Variants in TBCE observed in about 807,000 individuals in gnomAD.
TBCE encodes the protein tubulin-specific chaperone E.
A neutral mutation model predicts 77.0 loss-of-function variants in TBCE; 53 were observed. The ratio of observed to expected loss-of-function variants is 0.69; its 90% CI spans 0.55 to 0.87. TBCE has a LOEUF of 0.87. Ranked by LOEUF, TBCE falls within the 40% of genes least tolerant of loss-of-function variation. The pLI is 0.00. For synonymous variants in TBCE, 235 were observed against 241.3 expected (o/e 0.97, Z 0.24); for missense variants, 624 against 622.4 (o/e 1.00, Z -0.03).
chr1:235,448,594 G>T lies in TBCE; in HGVS notation c.1492-76G>T. The stretch of plus-strand genomic sequence containing the variant: ...GTAAGCTACTGCCTGGGGACGGGGT[G>T]GGGGAAGAGTATGTGTAGCATGCTT... On this transcript the variant is annotated intron_variant, in intron 16 of 16. Coordinates refer to ENST00000642610, the MANE Select transcript of TBCE (RefSeq NM_003193.5). 2.1e-6 allele frequency: 3 copies of T among 1,401,528 alleles called. No individual in the cohort carries two copies. The South Asian group carries it at 3.5e-5, about 16-fold the overall frequency. 86.8% of individuals were successfully genotyped at this position (1,401,528 alleles called of 1,614,324 possible).
At chr1:235,442,263 C>T (rs528195031) in intron 14 of TBCE, among the ~76,000 whole-genome samples, 79 of 152,216 alleles carry the variant, frequency 5.2e-4, no homozygotes, top group Non-Finnish European at 9.7e-4. Context: ...CTCCGCCTCC[C>T]GGGTTCAAGC....
At chr1:235,386,281 A>G (rs1245924081) in intron 2 of TBCE, among the ~76,000 whole-genome samples, 1 of 151,932 alleles carries the variant, frequency 6.6e-6, no homozygotes, top group Non-Finnish European at 1.5e-5. Flanking sequence ...TGTGTCTTGG[A>G]GTTGCTCTTC....
chr1:235,419,625 ACTG>A (rs773808910), intron 5 of TBCE, 64 bp downstream of exon 5: 1 of 1,602,538 alleles, frequency 6.2e-7, no homozygotes, highest in Non-Finnish European at 8.5e-7. Context: ...TGTGCCAGAG[ACTG>A]CTAATTGCCT....
At chr1:235,411,960 C>G (rs563702807) in intron 3 of TBCE, among the ~76,000 whole-genome samples, 1 of 151,580 alleles carries the variant, frequency 6.6e-6, no homozygotes, top group Non-Finnish European at 1.5e-5. Context: ...CCAGACTGCT[C>G]GTAGGAAAGG....
chr1:235,398,571 C>G (rs568217476), intron 2 of TBCE, among the ~76,000 whole-genome samples: 1 of 148,692 alleles, frequency 6.7e-6, no homozygotes, highest in African/African-American at 2.4e-5. Flanking sequence ...ACATTCTGTT[C>G]CTTTTTTTCT....
intron 5 of TBCE, among the ~76,000 whole-genome samples, chr1:235,422,125 T>C (rs1311084969): frequency 1.3e-5 from 2 of 152,258 alleles, no homozygotes. Flanking sequence ...GGAATTGAAG[T>C]GGATGCAGAA....
intron 3 of TBCE, among the ~76,000 whole-genome samples, chr1:235,409,858 G>A (rs1184406441): frequency 7.1e-6 from 1 of 140,298 alleles, no homozygotes; most frequent in South Asian, 2.2e-4. Context: ...GTGAAACCCC[G>A]TCTCTACTAA....
intron 6 of TBCE, 97 bp from the exon 7 acceptor site, chr1:235,430,608 C>T: frequency 2.5e-6 from 2 of 797,672 alleles, no homozygotes. Context: ...ACAAATCAAA[C>T]CCCTTAGATT....
chr1:235,448,568 G>T (rs1682641706), intron 16 of TBCE, 102 bp from the exon 17 acceptor site: 21 of 1,375,464 alleles, frequency 1.5e-5, no homozygotes, highest in Non-Finnish European at 1.2e-5. Context: ...TGATTTTAAG[G>T]GTAAGCTACT....
Position 235,436,564 on chromosome 1 carries a change from C to G in TBCE, c.919C>G (p.Pro307Ala). 1 of 1,614,008 alleles carries G rather than the reference C, an allele frequency of 6.2e-7. No homozygotes were observed. Among genetic ancestry groups the G allele is most frequent in the African/African-American group, 1.3e-5 (1 of 75,004 alleles). Residue 307 changes from proline (P) to alanine (A), a missense_variant, in exon 11 of 17, where the codon CCA becomes GCA. Physicochemically the swap from Pro to Ala is conservative, Grantham distance 27. Transcript: ENST00000642610. ...TATAGGGTGCAAAACGTCCATGTTC[C>G]CATCCTTGAAGTACCTGGTAGTAAA... is the stretch of plus-strand genomic sequence containing the variant. ...AGIGCKTSMFPSLKYLVVNDN... is the reference protein window; with the variant it reads ...AGIGCKTSMFASLKYLVVNDN...
At chr1:235,433,984 C>A in intron 7 of TBCE, 1 of 590,002 alleles carries the variant, frequency 1.7e-6, no homozygotes, top group Non-Finnish European at 3.0e-6. Flanking sequence ...CTCAAAGTGC[C>A]CACAGTGTGT....
Position 235,436,423 on chromosome 1 carries a change from T to C in TBCE, c.871T>C (p.Ser291Pro). The C allele has an allele frequency of 6.2e-7, 1 of 1,614,144 alleles. No individual in the cohort carries two copies. Among genetic ancestry groups the C allele is most frequent in the Non-Finnish European group, 8.5e-7 (1 of 1,179,986 alleles). ...QLILSDTGIS[S>P]LHFPDAGIGC... is the part of the protein sequence containing the mutation. Reference sequence around the variant, plus strand: ...AATCCTCTCTGACACTGGAATTTCTTCTCTACATTTTCCGGATGCTGGAAT... The same window carrying C: ...AATCCTCTCTGACACTGGAATTTCTCCTCTACATTTTCCGGATGCTGGAAT... The change falls in exon 10 of 17, where the codon TCT becomes CCT. Residue 291 changes from serine (S) to proline (P), a missense_variant. Ser to Pro is a moderately conservative substitution (Grantham distance 74). Transcript: ENST00000642610.
chr1:235,385,105 G>A (rs1393449135), intron 2 of TBCE, among the ~76,000 whole-genome samples: 1 of 152,146 alleles, frequency 6.6e-6, no homozygotes, highest in Non-Finnish European at 1.5e-5. Flanking sequence ...AGGTTGTTCA[G>A]TTTCCATGTA....
chr1:235,421,904 G>A (rs1205020014), intron 5 of TBCE, among the ~76,000 whole-genome samples: 1 of 152,212 alleles, frequency 6.6e-6, no homozygotes, highest in Non-Finnish European at 1.5e-5. Flanking sequence ...CGACAGTGCA[G>A]TGAAGGAAAT....
At chr1:235,442,721 T>C in intron 14 of TBCE, 131 bp from the exon 15 acceptor site, 1 of 801,178 alleles carries the variant, frequency 1.2e-6, no homozygotes, top group South Asian at 1.6e-5. Flanking sequence ...AGAAAGAATT[T>C]TAAACATTGA....
intron 1 of TBCE, among the ~76,000 whole-genome samples, chr1:235,375,126 T>A (rs1033603715): frequency 2.0e-4 from 31 of 151,684 alleles, no homozygotes; most frequent in African/African-American, 7.5e-4. Context: ...TTTGCTGTGT[T>A]AGCCAGGATG....
At position 235,450,839 on chromosome 1, in the gene TBCE, G is replaced by A. The variant is rs1682853708; in HGVS notation, c.*2077G>A. On this transcript the variant is annotated 3_prime_UTR_variant, in exon 17 of 17. Transcript: ENST00000642610. ...TAAAAAACTTGTTCCAGGTCACAGGGCTGGTAAATGAAGAGGAGGGATTAA... is the reference window on the plus strand; with the variant it reads ...TAAAAAACTTGTTCCAGGTCACAGGACTGGTAAATGAAGAGGAGGGATTAA... The A allele has an allele frequency of 6.5e-6, 1 of 153,092 alleles. No homozygotes were observed. The highest frequency in any genetic ancestry group is 1.5e-5 in the Non-Finnish European group (1 of 68,712). The allele number at this position is 153,092 out of a possible 1,614,324, so 9.5% of individuals were successfully genotyped here.
At chr1:235,408,037 C>T (rs1393417808) in intron 3 of TBCE, among the ~76,000 whole-genome samples, 1 of 152,156 alleles carries the variant, frequency 6.6e-6, no homozygotes, top group Admixed American at 6.6e-5. Flanking sequence ...TCTGACTTTT[C>T]TTCAACACTA....
intron 3 of TBCE, among the ~76,000 whole-genome samples, chr1:235,405,781 T>C (rs1679390275): frequency 6.6e-6 from 1 of 152,236 alleles, no homozygotes; most frequent in Non-Finnish European, 1.5e-5. Context: ...TATACTTTTA[T>C]GTGACTGGCA....
Sources: gnomAD v4.1 joint callset for allele counts (sites outside exome capture counted in the v4.1 genomes callset) on GRCh38, gnomAD v4.1.1 for gene constraint, MANE v1.5 for transcripts, NCBI Gene and HGNC (gene_info 2026-07-23, HGNC 2026-07-21) for gene names.